Variants in ZFPM2 observed in about 807,000 individuals in gnomAD.
ZFPM2 encodes zinc finger protein, FOG family member 2.
A neutral mutation model predicts 98.6 loss-of-function variants in ZFPM2; 20 were observed. The ratio of observed to expected loss-of-function variants is 0.20; its 90% CI spans 0.14 to 0.29. The LOEUF (loss-of-function observed/expected upper bound fraction) is 0.29, where lower values mean the gene tolerates loss of function less well. Ranked by LOEUF, ZFPM2 falls within the 10% of genes least tolerant of loss-of-function variation. The pLI, the probability that ZFPM2 is intolerant of heterozygous loss-of-function variation, is 1.00. For synonymous variants in ZFPM2, 518 were observed against 502.7 expected (o/e 1.03, Z -0.41); for missense variants, 1,310 against 1,388.6 (o/e 0.94, Z 0.90).
intron 1 of ZFPM2, among the ~76,000 whole-genome samples, chr8:105,391,643 G>T (rs1483123470): frequency 6.6e-6 from 1 of 152,172 alleles, no homozygotes; most frequent in African/African-American, 2.4e-5. Flanking sequence ...TGTACCAGAA[G>T]TAGATTCTAT....
intron 3 of ZFPM2, among the ~76,000 whole-genome samples, chr8:105,516,476 C>A (rs1239627164): frequency 6.6e-6 from 1 of 152,104 alleles, no homozygotes; most frequent in Non-Finnish European, 1.5e-5. Flanking sequence ...TCTGGATATA[C>A]TTTTAGATAA....
rs202044727 is a variant in ZFPM2 at position 105,632,561 on chromosome 8, GGATCACTATCATTTCATA to G, written c.421-1684_421-1667del. On this transcript the variant is annotated intron_variant, in intron 4 of 7. Transcript: ENST00000407775. ...TAGGACCTAATACTTAATTGGATTT[GGATCACTATCATTTCATA>G]TAGAACAAGTTTGTTTCTCCTCTAA... is the stretch of plus-strand genomic sequence containing the variant. 2.0e-5 allele frequency among the ~76,000 whole-genome samples: 3 copies of G among 152,152 alleles called. No homozygotes were observed. In the East Asian group the frequency reaches 5.8e-4, roughly 29 times the overall value.
chr8:105,790,251 T>C (rs1182609530), intron 6 of ZFPM2, among the ~76,000 whole-genome samples: 1 of 150,984 alleles, frequency 6.6e-6, no homozygotes, highest in Non-Finnish European at 1.5e-5. Flanking sequence ...CCATCTTGAA[T>C]TGATTTTTGT....
intron 5 of ZFPM2, among the ~76,000 whole-genome samples, chr8:105,768,818 T>TAC: frequency 7.0e-6 from 1 of 143,290 alleles, no homozygotes; most frequent in African/African-American, 2.9e-5. Flanking sequence ...TGAAAACAAA[T>TAC]ACATACACAC....
intron 1 of ZFPM2, among the ~76,000 whole-genome samples, chr8:105,415,859 T>G (rs1811670132): frequency 3.3e-5 from 5 of 152,104 alleles, no homozygotes; most frequent in Admixed American, 3.3e-4. Context: ...AGCTGACACT[T>G]GCTTTGGAAG....
At chr8:105,417,409 A>C (rs1487910065) in intron 1 of ZFPM2, among the ~76,000 whole-genome samples, 1 of 152,188 alleles carries the variant, frequency 6.6e-6, no homozygotes, top group Non-Finnish European at 1.5e-5. Flanking sequence ...ACAAATAAAA[A>C]AATAGAAAGT....
chr8:105,512,908 A>G (rs1241946423), intron 3 of ZFPM2, among the ~76,000 whole-genome samples: 1 of 152,092 alleles, frequency 6.6e-6, no homozygotes, highest in Non-Finnish European at 1.5e-5. Flanking sequence ...GCATGTTTCA[A>G]AATTTTTCTT....
At position 105,801,539 on chromosome 8, in the gene ZFPM2, C is replaced by T. The variant is rs1174734275; in HGVS notation, c.1457C>T (p.Pro486Leu). 1 of 1,613,950 alleles carries T rather than the reference C, an allele frequency of 6.2e-7. No individual in the cohort carries two copies. Among genetic ancestry groups the T allele is most frequent in the Non-Finnish European group, 8.5e-7 (1 of 1,179,868 alleles). The change falls in exon 8 of 8, where the codon CCT becomes CTT. Residue 486 changes from proline to leucine, a missense_variant. Pro to Leu is a moderately conservative substitution (Grantham distance 98, BLOSUM62 -3). Transcript: ENST00000407775. The stretch of plus-strand genomic sequence containing the variant: ...AGACTTGCCTCATCTCCAGTTCAGC[C>T]TAATATTGGGCCTTCTTTCCCTGTG... ...SPRLASSPVQ[P>L]NIGPSFPVGP...
intron 1 of ZFPM2, chr8:105,414,745 C>T (rs909906893): frequency 6.6e-6 from 1 of 151,976 alleles, no homozygotes; most frequent in Non-Finnish European, 1.5e-5. Flanking sequence ...GGACTAAGTG[C>T]TCCATTAACT....
intron 3 of ZFPM2, among the ~76,000 whole-genome samples, chr8:105,531,820 T>C (rs1429276426): frequency 6.6e-6 from 1 of 152,196 alleles, no homozygotes; most frequent in Non-Finnish European, 1.5e-5. Flanking sequence ...ATAGTTAAAC[T>C]AAAAATGAAA....
At chr8:105,563,859 C>T (rs1265761019) in intron 4 of ZFPM2, among the ~76,000 whole-genome samples, 1 of 152,090 alleles carries the variant, frequency 6.6e-6, no homozygotes, top group Admixed American at 6.6e-5. Context: ...CAAAAGTGTA[C>T]TGACACTGTA....
chr8:105,588,061 AT>A (rs1160023362), intron 4 of ZFPM2, among the ~76,000 whole-genome samples: 15 of 152,182 alleles, frequency 9.9e-5, no homozygotes, highest in Middle Eastern at 3.4e-3. Flanking sequence ...GCCTTTAAAA[AT>A]TTTTTTTCCT....
chr8:105,378,403 T>C lies in ZFPM2; in HGVS notation c.41-40741T>C, dbSNP rs35069521. On this transcript the variant is annotated intron_variant, in intron 1 of 7. Coordinates refer to ENST00000407775, the MANE Select transcript of ZFPM2 (RefSeq NM_012082.4). ...AGCCATCACTCCCTTGTCTGAACTCTCAGAAGGTTTTGCCCCTATCTGTAA... is the reference window on the plus strand; with the variant it reads ...AGCCATCACTCCCTTGTCTGAACTCCCAGAAGGTTTTGCCCCTATCTGTAA... Among the ~76,000 whole-genome samples the C allele has an allele frequency of 7.3e-3, 1,118 of 152,320 alleles. 10 individuals carry two copies. Among genetic ancestry groups the C allele is most frequent in the Non-Finnish European group, 0.01 (700 of 68,024 alleles).
intron 4 of ZFPM2, among the ~76,000 whole-genome samples, chr8:105,621,820 C>A (rs1438349114): frequency 6.6e-6 from 1 of 151,908 alleles, no homozygotes; most frequent in South Asian, 2.1e-4. Context: ...TCCTTAATTT[C>A]TTTAAAATTG....
At chr8:105,456,776 G>A (rs1294845879) in intron 3 of ZFPM2, among the ~76,000 whole-genome samples, 5 of 152,026 alleles carry the variant, frequency 3.3e-5, no homozygotes, top group East Asian at 1.9e-4. Flanking sequence ...GGGTTCAAGC[G>A]ATTCTCCTGC....
chr8:105,480,049 C>A (rs1375545098), intron 3 of ZFPM2, among the ~76,000 whole-genome samples: 1 of 152,162 alleles, frequency 6.6e-6, no homozygotes, highest in Admixed American at 6.5e-5. Context: ...GCTGTAAGCT[C>A]AGTTATTGCT....
intron 4 of ZFPM2, among the ~76,000 whole-genome samples, chr8:105,626,923 CAAAT>C (rs1816668398): frequency 7.0e-6 from 1 of 143,540 alleles, no homozygotes; most frequent in South Asian, 2.3e-4. Flanking sequence ...ATTTTTTAAT[CAAAT>C]AACACTTCTG....
chr8:105,645,468 C>T (rs1398480889), intron 5 of ZFPM2, among the ~76,000 whole-genome samples: 2 of 152,104 alleles, frequency 1.3e-5, no homozygotes, highest in East Asian at 1.9e-4. Flanking sequence ...ATTCTGTTCC[C>T]GTATTTAATG....
chr8:105,690,118 A>G (rs1402869499), intron 5 of ZFPM2, among the ~76,000 whole-genome samples: 3 of 152,196 alleles, frequency 2.0e-5, no homozygotes, highest in South Asian at 2.1e-4. Flanking sequence ...GGCACATGAC[A>G]TATACCTCAA....
Sources: gnomAD v4.1 joint callset for allele counts (sites outside exome capture counted in the v4.1 genomes callset) on GRCh38, gnomAD v4.1.1 for gene constraint, MANE v1.5 for transcripts, NCBI Gene and HGNC (gene_info 2026-07-23, HGNC 2026-07-21) for gene names.